PCBP3: variants seen among roughly 807,000 people sequenced by gnomAD.
PCBP3 encodes the protein poly(rC) binding protein 3, also known as poly(rC)-binding protein 3.
A neutral mutation model predicts 52.7 loss-of-function variants in PCBP3; 25 were observed. That is an observed-to-expected ratio of 0.47 (90% CI 0.35 to 0.66). The LOEUF is 0.66. PCBP3 is among the 30% of genes least tolerant of loss of function. The pLI, the probability that PCBP3 is intolerant of heterozygous loss-of-function variation, is 0.01. For synonymous variants in PCBP3, 162 were observed against 183.0 expected (o/e 0.89, Z 0.93); for missense variants, 391 against 490.3 (o/e 0.80, Z 1.91).
At chr21:45,665,045 G>A (rs908916735) in intron 1 of PCBP3, among the ~76,000 whole-genome samples, 13 of 151,232 alleles carry the variant, frequency 8.6e-5, no homozygotes, top group Admixed American at 4.6e-4. Flanking sequence ...TTATTTTTTT[G>A]TAGCTATCAC....
intron 2 of PCBP3, among the ~76,000 whole-genome samples, chr21:45,670,742 C>G (rs1036925572): frequency 6.6e-6 from 1 of 152,156 alleles, no homozygotes. Context: ...TGTATCTCTT[C>G]CCCCCAATTT....
At chr21:45,939,960 C>G in intron 16 of PCBP3, 70 bp from the exon 17 acceptor site, 1 of 1,430,164 alleles carries the variant, frequency 7.0e-7, no homozygotes, top group Non-Finnish European at 9.7e-7. Context: ...CCCCCTCGGG[C>G]GCACTGCCCA....
intron 1 of PCBP3, among the ~76,000 whole-genome samples, chr21:45,646,966 A>G (rs1258170836): frequency 6.6e-6 from 1 of 152,170 alleles, no homozygotes; most frequent in East Asian, 1.9e-4. Flanking sequence ...TTTCTCTAAT[A>G]TTGAGGACAT....
At chr21:45,836,671 C>T (rs1197176998) in intron 4 of PCBP3, among the ~76,000 whole-genome samples, 4 of 152,036 alleles carry the variant, frequency 2.6e-5, no homozygotes, top group African/African-American at 9.7e-5. Context: ...CGAGATGACC[C>T]ATGCTGCCGT....
chr21:45,935,623 AAACCTTGAAG>A (rs1223809604), intron 16 of PCBP3: 1 of 455,226 alleles, frequency 2.2e-6, no homozygotes, highest in African/African-American at 2.0e-5. Flanking sequence ...GGTGCGGGCC[AAACCTTGAAG>A]AACAAGGTGG....
At chr21:45,790,953 G>T (rs749623293) in intron 4 of PCBP3, among the ~76,000 whole-genome samples, 2 of 152,180 alleles carry the variant, frequency 1.3e-5, no homozygotes, top group Non-Finnish European at 2.9e-5. Flanking sequence ...GAGAGTGGAA[G>T]AAACAGTAGG....
At chr21:45,712,203 A>C (rs1406008611) in intron 2 of PCBP3, among the ~76,000 whole-genome samples, 1 of 152,270 alleles carries the variant, frequency 6.6e-6, no homozygotes, top group Non-Finnish European at 1.5e-5. Context: ...TAAAGCTGCT[A>C]TAAACATTTG....
Position 45,764,067 on chromosome 21 carries a change from C to T in PCBP3, c.-126+8615C>T, listed in dbSNP as rs527635194. Among the ~76,000 whole-genome samples, 21 of 149,806 alleles carry T rather than the reference C, an allele frequency of 1.4e-4. 1 individual carries two copies. Among genetic ancestry groups the T allele is most frequent in the African/African-American group, 4.7e-4 (19 of 40,756 alleles). On this transcript the variant is annotated intron_variant, in intron 4 of 17. Coordinates refer to ENST00000681687, the MANE Select transcript of PCBP3 (RefSeq NM_001384156.1). ...AGCTGTCTAGCTCCTCCCTTTTGTT[C>T]TTAGTGAGATAATTGCTTTTGTAAT...
At chr21:45,771,241 G>A (rs2089839806) in intron 4 of PCBP3, among the ~76,000 whole-genome samples, 1 of 152,174 alleles carries the variant, frequency 6.6e-6, no homozygotes, top group African/African-American at 2.4e-5. Flanking sequence ...AGTAGATTAT[G>A]TATTTTGAGA....
intron 5 of PCBP3, among the ~76,000 whole-genome samples, chr21:45,857,212 A>C (rs1052733114): frequency 7.2e-5 from 11 of 152,238 alleles, no homozygotes; most frequent in African/African-American, 2.7e-4. Context: ...GGACCATCTC[A>C]AGATATGGCA....
intron 1 of PCBP3, among the ~76,000 whole-genome samples, chr21:45,649,969 A>C (rs2146800021): frequency 6.6e-6 from 1 of 151,928 alleles, no homozygotes; most frequent in East Asian, 1.9e-4. Flanking sequence ...TTGAGATGAG[A>C]TATTTTATTC....
intron 15 of PCBP3, among the ~76,000 whole-genome samples, chr21:45,933,153 G>C (rs1216962301): frequency 1.3e-5 from 2 of 152,018 alleles, no homozygotes; most frequent in Non-Finnish European, 2.9e-5. Context: ...GTCTTGAGAT[G>C]AATGAACACC....
chr21:45,935,770 G>A (rs998670185), intron 16 of PCBP3, among the ~76,000 whole-genome samples: 5 of 152,168 alleles, frequency 3.3e-5, no homozygotes, highest in Non-Finnish European at 5.9e-5. Context: ...TCACAGACTT[G>A]TCTAGATTCC....
In PCBP3 at chr21:45,788,114, G is replaced by A. The variant is rs1294275855; in HGVS notation, c.-126+32662G>A. On this transcript the variant is annotated intron_variant, in intron 4 of 17. Transcript: ENST00000681687. This position sits in a 1 kb window ranked among gnomAD's most constrained non-coding sequence, Gnocchi z 4.3. ...TTACTGGGACATGCTGTGACCTGTA[G>A]AATCGTGTCTGACCATTTCTGGAGG... Among the ~76,000 whole-genome samples the A allele has an allele frequency of 6.6e-6, 1 of 152,178 alleles. No individual in the cohort carries two copies. The highest frequency in any genetic ancestry group is 1.5e-5 in the Non-Finnish European group (1 of 68,034).
intron 4 of PCBP3, among the ~76,000 whole-genome samples, chr21:45,815,211 AGTGAGTG>A (rs2092866657): frequency 2.8e-5 from 1 of 36,096 alleles, no homozygotes; most frequent in Non-Finnish European, 5.2e-5. Flanking sequence ...GTGAGTGATG[AGTGAGTG>A]GTGAGTGATG....
intron 5 of PCBP3, among the ~76,000 whole-genome samples, chr21:45,885,255 C>T (rs1380324027): frequency 6.6e-6 from 1 of 152,152 alleles, no homozygotes; most frequent in Non-Finnish European, 1.5e-5. Context: ...CTGAAATCCA[C>T]GCCATCCATT....
chr21:45,692,777 C>A (rs1267860809), intron 2 of PCBP3, among the ~76,000 whole-genome samples: 3 of 152,082 alleles, frequency 2.0e-5, no homozygotes, highest in Admixed American at 2.0e-4. Flanking sequence ...CTGAACTCAT[C>A]TTATGAGGCC....
At chr21:45,909,216 T>TGGCCA (rs1395320738) in intron 9 of PCBP3, 139 bp from the exon 10 acceptor site, 14 of 881,174 alleles carry the variant, frequency 1.6e-5, no homozygotes, top group Non-Finnish European at 2.4e-5. Context: ...TGGCCTGGCC[T>TGGCCA]GGCCACTTTG....
chr21:45,727,833 A>G (rs2085168477), intron 2 of PCBP3, among the ~76,000 whole-genome samples: 1 of 152,228 alleles, frequency 6.6e-6, no homozygotes, highest in Non-Finnish European at 1.5e-5. Context: ...CAGGTCAGCA[A>G]GCCCTGGATG....
Sources: allele counts gnomAD v4.1 joint callset (sites outside exome capture counted in the v4.1 genomes callset), GRCh38; gene constraint gnomAD v4.1.1; non-coding constraint Gnocchi (gnomAD v3.1); transcripts MANE v1.5; gene names NCBI Gene and HGNC (gene_info 2026-07-23, HGNC 2026-07-21).